The following PHF20L1 variants were observed in gnomAD, a reference collection of about 807,000 sequenced individuals.
PHF20L1 encodes PHD finger protein 20-like protein 1.
In PHF20L1, 44 loss-of-function variants were observed where a neutral mutation model predicts 125.5. The ratio of observed to expected loss-of-function variants is 0.35; its 90% CI spans 0.28 to 0.45. The LOEUF is 0.45. Ranked by LOEUF, PHF20L1 falls within the 20% of genes least tolerant of loss-of-function variation. PHF20L1 has a pLI of 1.00. For synonymous variants in PHF20L1, 380 were observed against 403.1 expected (o/e 0.94, Z 0.69); for missense variants, 1,012 against 1,217.2 (o/e 0.83, Z 2.51).
In PHF20L1 at chr8:132,825,349, G is replaced by T; in HGVS notation, c.1722G>T (p.Lys574Asn). 1 of 1,505,194 alleles carries T rather than the reference G, an allele frequency of 6.6e-7. No individual in the cohort carries two copies. The allele number at this position is 1,505,194 out of a possible 1,614,324, so 93.2% of individuals were successfully genotyped here. ...YRPKQKKKKK[K>N]KKKSKQHDYS... ...CAAAACAGAAGAAGAAGAAAAAAAA[G>T]AAAAAGAAATCTAAGCAACATGGTA... Residue 574 changes from lysine to asparagine, a missense_variant, in exon 14 of 21, where the codon AAG becomes AAT. Lys to Asn is a moderately conservative substitution (Grantham distance 94). Coordinates refer to ENST00000395386, the MANE Select transcript of PHF20L1 (RefSeq NM_016018.5).
chr8:132,837,802 G>T lies in PHF20L1; in HGVS notation c.2182G>T (p.Asp728Tyr). ...PEQYICYICR[D>Y]PPGQRWSAKY... ...GCAGTACATCTGCTATATCTGCCGG[G>T]ACCCACCAGGTAAGGCTTTCTGTGC... Residue 728 changes from aspartate to tyrosine, a missense_variant, in exon 17 of 21, where the codon GAC (aspartate) becomes TAC (tyrosine). By Grantham distance (160) the Asp-to-Tyr change is radical. This residue lies in a region of PHF20L1 where 55 missense variants were observed against 114.8 expected (regional missense o/e 0.48). Coordinates refer to ENST00000395386, the MANE Select transcript of PHF20L1 (RefSeq NM_016018.5). 1 of 1,611,016 alleles carries T rather than the reference G, an allele frequency of 6.2e-7. No individual in the cohort carries two copies. Among genetic ancestry groups the T allele is most frequent in the South Asian group, 1.1e-5 (1 of 91,016 alleles).
At chr8:132,813,516 A>G (rs1197794659) in intron 9 of PHF20L1, among the ~76,000 whole-genome samples, 3 of 152,018 alleles carry the variant, frequency 2.0e-5, no homozygotes, top group African/African-American at 7.2e-5. Flanking sequence ...ATGATCGTTC[A>G]TATTCCAGAG....
chr8:132,844,177 G>C lies in PHF20L1; in HGVS notation c.2770G>C (p.Val924Leu). The C allele has an allele frequency of 6.2e-7, 1 of 1,612,632 alleles. No homozygotes were observed. Among genetic ancestry groups the C allele is most frequent in the Non-Finnish European group, 8.5e-7 (1 of 1,179,050 alleles). Reference protein sequence around the residue: ...PEKNPAEGNTVFVYNDKKGTE... With the variant: ...PEKNPAEGNTLFVYNDKKGTE... ...GAAGAATCCAGCTGAAGGGAATACA[G>C]TATTTGTTTATAATGATAAAAAGGG... The change falls in exon 20 of 21, where the codon GTA (valine) becomes CTA (leucine). Residue 924 changes from valine to leucine, a missense_variant. Physicochemically the swap from Val to Leu is conservative, Grantham distance 32. This residue lies in a region of PHF20L1 where 277 missense variants were observed against 283.6 expected (regional missense o/e 0.98). Transcript: ENST00000395386.
chr8:132,837,993 A>G (rs1837548703), intron 17 of PHF20L1, 182 bp downstream of exon 17: 3 of 548,034 alleles, frequency 5.5e-6, no homozygotes, highest in Admixed American at 5.8e-5. Flanking sequence ...CTTAACTTGT[A>G]TGTATCAATT....
intron 18 of PHF20L1, 52 bp from the exon 19 acceptor site, chr8:132,842,463 T>TAA: frequency 6.8e-7 from 1 of 1,478,880 alleles, no homozygotes; most frequent in Non-Finnish European, 9.1e-7. Context: ...TTCAGCTTGT[T>TAA]AATAGATTTT....
intron 2 of PHF20L1, among the ~76,000 whole-genome samples, chr8:132,779,592 C>T (rs1425719403): frequency 2.0e-5 from 3 of 152,114 alleles, no homozygotes; most frequent in African/African-American, 4.8e-5. Flanking sequence ...GACGGTGTTG[C>T]AGTTGAGCTA....
At chr8:132,831,657 T>C (rs1836794519) in intron 14 of PHF20L1, among the ~76,000 whole-genome samples, 1 of 152,070 alleles carries the variant, frequency 6.6e-6, no homozygotes, top group African/African-American at 2.4e-5. Flanking sequence ...TCTTCAACTT[T>C]TATTAGGTTG....
intron 2 of PHF20L1, among the ~76,000 whole-genome samples, chr8:132,791,489 G>A (rs1831695132): frequency 6.6e-6 from 1 of 152,036 alleles, no homozygotes; most frequent in Admixed American, 6.5e-5. Flanking sequence ...CCGACCTCAG[G>A]TGATCCACCC....
intron 13 of PHF20L1, 168 bp downstream of exon 13, chr8:132,824,228 A>G (rs1387770339): frequency 4.6e-6 from 2 of 437,028 alleles, no homozygotes; most frequent in Non-Finnish European, 8.3e-6. Context: ...TTTATTAAAC[A>G]CATATCTTGT....
chr8:132,810,498 A>G (rs1048733814), intron 8 of PHF20L1: 7 of 152,190 alleles, frequency 4.6e-5, no homozygotes, highest in African/African-American at 1.7e-4. Flanking sequence ...CTTAACATAA[A>G]ATGGATCCAT....
Position 132,842,671 on chromosome 8 carries a change from G to A in PHF20L1, c.2544G>A (p.Leu848=), listed in dbSNP as rs1446890602. Residue 848 remains leucine (L), a synonymous_variant, in exon 19 of 21, where the codon TTG becomes TTA. Transcript: ENST00000395386. ...YVQNHKEPPR[L]PLKMEGTYIT... Reference sequence around the variant, plus strand: ...AGAACCATAAAGAACCACCTCGTTTGCCCCTAAAAATGGAAGGAACTTATA... The same window carrying A: ...AGAACCATAAAGAACCACCTCGTTTACCCCTAAAAATGGAAGGAACTTATA... 1 of 1,613,168 alleles carries A rather than the reference G, an allele frequency of 6.2e-7. No homozygotes were observed.
rs754169244 is a variant in PHF20L1 at position 132,804,655 on chromosome 8, G to A, written c.762G>A (p.Gln254=). The change falls in exon 8 of 21, where the codon CAG becomes CAA. Residue 254 remains glutamine, a synonymous_variant. Coordinates refer to ENST00000395386, the MANE Select transcript of PHF20L1 (RefSeq NM_016018.5). ...VENVPKMVFP[Q]PESTLSNKRK... ...ACGTTCCAAAGATGGTCTTTCCACA[G>A]CCAGAGAGCACATTATCAAACAAGA... The A allele has an allele frequency of 1.2e-6, 2 of 1,608,616 alleles. No homozygotes were observed. The highest frequency in any genetic ancestry group is 8.5e-7 in the Non-Finnish European group (1 of 1,175,782).
In PHF20L1 at chr8:132,794,522, C is replaced by T. The variant is rs1429117928; in HGVS notation, c.196C>T (p.Arg66Ter). 6.2e-7 allele frequency: 1 copy of T among 1,611,014 alleles called. No individual in the cohort carries two copies. Among genetic ancestry groups the T allele is most frequent in the African/African-American group, 1.3e-5 (1 of 74,916 alleles). Reference sequence around the variant, plus strand: ...GATTTACTGGGATAGCAATAGATTGCGACCCCTTGAGAGACCAGCACTAAG... The same window carrying T: ...GATTTACTGGGATAGCAATAGATTGTGACCCCTTGAGAGACCAGCACTAAG... ...EWIYWDSNRL[R>*]PLERPALRKE... Residue 66 changes from arginine to a stop codon, truncating the protein, a stop_gained, in exon 3 of 21, where the codon CGA (arginine) becomes TGA (stop). Coordinates refer to ENST00000395386, the MANE Select transcript of PHF20L1 (RefSeq NM_016018.5). LOFTEE classifies it high-confidence loss of function.
At chr8:132,822,777 G>A (rs1835742979) in intron 12 of PHF20L1, among the ~76,000 whole-genome samples, 2 of 151,822 alleles carry the variant, frequency 1.3e-5, no homozygotes, top group African/African-American at 4.8e-5. Context: ...CACTTGATTT[G>A]AGTGGTATTT....
intron 18 of PHF20L1, 85 bp downstream of exon 18, chr8:132,839,667 A>G: frequency 1.1e-6 from 1 of 901,362 alleles, no homozygotes; most frequent in South Asian, 1.5e-5. Flanking sequence ...GATGGTCCAG[A>G]GTAACAGTTT....
intron 18 of PHF20L1, 49 bp from the exon 19 acceptor site, chr8:132,842,466 T>C (rs766809261): frequency 4.0e-6 from 6 of 1,495,218 alleles, no homozygotes; most frequent in Non-Finnish European, 5.4e-6. Flanking sequence ...AGCTTGTTAA[T>C]AGATTTTTTT....
At chr8:132,788,207 G>A (rs1831275289) in intron 2 of PHF20L1, among the ~76,000 whole-genome samples, 1 of 152,030 alleles carries the variant, frequency 6.6e-6, no homozygotes, top group Admixed American at 6.6e-5. Context: ...CTATCATTAT[G>A]TTGAATTGTG....
At chr8:132,802,313 C>G (rs1238740343) in intron 6 of PHF20L1, among the ~76,000 whole-genome samples, 2 of 151,380 alleles carry the variant, frequency 1.3e-5, no homozygotes, top group Non-Finnish European at 3.0e-5. Context: ...AATGTTTTTC[C>G]TTTTGCTTGG....
chr8:132,809,177 T>C (rs188511864), intron 8 of PHF20L1: 1 of 152,272 alleles, frequency 6.6e-6, no homozygotes, highest in Non-Finnish European at 1.5e-5. Context: ...TATTTAGTTA[T>C]TTATTTAGAG....
Sources: gnomAD v4.1 joint callset for allele counts (sites outside exome capture counted in the v4.1 genomes callset) on GRCh38, gnomAD v4.1.1 for gene constraint, gnomAD v4.1.1 regional missense constraint, MANE v1.5 for transcripts, NCBI Gene and HGNC (gene_info 2026-07-23, HGNC 2026-07-21) for gene names.